Variants in DRC11 observed in about 807,000 individuals in gnomAD.
DRC11 encodes the protein dynein regulatory complex subunit 11.
At chr2:236,447,902 G>A in the DRC11 span, among the ~76,000 whole-genome samples, 3 of 152,082 alleles carry the variant, frequency 2.0e-5, no homozygotes, top group South Asian at 4.2e-4. The surrounding 1 kb of genome is among the most constrained non-coding windows in gnomAD (Gnocchi z 4.6). Context: ...GGGGGAGGGT[G>A]GATTCAGGAA....
the DRC11 span, among the ~76,000 whole-genome samples, chr2:236,389,800 G>A: frequency 6.6e-6 from 1 of 152,080 alleles, no homozygotes; most frequent in Non-Finnish European, 1.5e-5. Context: ...GAATTTTTCT[G>A]TATTCTTTTT....
chr2:236,436,456 T>A, the DRC11 span, among the ~76,000 whole-genome samples: 1 of 152,170 alleles, frequency 6.6e-6, no homozygotes, highest in Non-Finnish European at 1.5e-5. Flanking sequence ...CTTTAGTAAT[T>A]TGTGGTTTAA....
At chr2:236,315,656 TG>T in the DRC11 span, among the ~76,000 whole-genome samples, 1 of 152,134 alleles carries the variant, frequency 6.6e-6, no homozygotes, top group African/African-American at 2.4e-5. The surrounding 1 kb of genome is among the most constrained non-coding windows in gnomAD (Gnocchi z 5.1). Context: ...ATATGCACAA[TG>T]GAATACCATG....
chr2:236,357,821 TATAC>T, the DRC11 span, among the ~76,000 whole-genome samples: 6 of 123,622 alleles, frequency 4.9e-5, no homozygotes, highest in Non-Finnish European at 9.4e-5. Context: ...AATATATAAA[TATAC>T]ATATACTATA....
At chr2:236,468,762 T>C in the DRC11 span, among the ~76,000 whole-genome samples, 1 of 152,258 alleles carries the variant, frequency 6.6e-6, no homozygotes, top group Non-Finnish European at 1.5e-5. Context: ...GATGTTAAAA[T>C]GGATATCTGC....
At chr2:236,316,135 A>T in the DRC11 span, among the ~76,000 whole-genome samples, 46 of 139,388 alleles carry the variant, frequency 3.3e-4, no homozygotes, top group East Asian at 9.2e-3. This position sits in a 1 kb window ranked among gnomAD's most constrained non-coding sequence, Gnocchi z 6.8. Flanking sequence ...AACATTAAGA[A>T]CTTATTTTCT....
the DRC11 span, among the ~76,000 whole-genome samples, chr2:236,456,149 T>C: frequency 6.6e-6 from 1 of 152,218 alleles, no homozygotes; most frequent in Non-Finnish European, 1.5e-5. This position sits in a 1 kb window ranked among gnomAD's most constrained non-coding sequence, Gnocchi z 5.4. Context: ...GAGAATCTGA[T>C]GGACTTCCTA....
the DRC11 span, chr2:236,497,108 A>C: frequency 2.5e-5 from 33 of 1,325,324 alleles, no homozygotes; most frequent in African/African-American, 3.6e-4. The surrounding 1 kb of genome is among the most constrained non-coding windows in gnomAD (Gnocchi z 5.1). Flanking sequence ...TATCGGGTAC[A>C]TATCTTATTT....
At chr2:236,501,508 C>A in the DRC11 span, among the ~76,000 whole-genome samples, 1 of 152,128 alleles carries the variant, frequency 6.6e-6, no homozygotes, top group African/African-American at 2.4e-5. Flanking sequence ...TGTCCCACCT[C>A]AAATAGACAA....
chr2:236,317,646 T>C, the DRC11 span, among the ~76,000 whole-genome samples: 1 of 152,218 alleles, frequency 6.6e-6, no homozygotes, highest in African/African-American at 2.4e-5. This position sits in a 1 kb window ranked among gnomAD's most constrained non-coding sequence, Gnocchi z 5.4. Context: ...TTTTCTGTGC[T>C]TGTGTCATAA....
the DRC11 span, among the ~76,000 whole-genome samples, chr2:236,417,731 C>T: frequency 6.6e-6 from 1 of 151,876 alleles, no homozygotes; most frequent in African/African-American, 2.4e-5. Context: ...CTCCCCTTGC[C>T]CCCCATCCCC....
chr2:236,468,569 T>C, the DRC11 span, among the ~76,000 whole-genome samples: 1 of 152,226 alleles, frequency 6.6e-6, no homozygotes, highest in African/African-American at 2.4e-5. Context: ...CTTTATATTA[T>C]GTATTTTGTG....
chr2:236,321,901 C>T, the DRC11 span, among the ~76,000 whole-genome samples: 2 of 152,100 alleles, frequency 1.3e-5, no homozygotes, highest in Non-Finnish European at 1.5e-5. Flanking sequence ...TACAACGGGC[C>T]CCAGTAAAAC....
the DRC11 span, among the ~76,000 whole-genome samples, chr2:236,356,664 A>G: frequency 4.7e-3 from 693 of 148,650 alleles, 8 homozygotes; most frequent in African/African-American, 0.014. Context: ...AAAAGAGAAA[A>G]TATGTGTAAA....
the DRC11 span, among the ~76,000 whole-genome samples, chr2:236,410,370 C>T: frequency 6.6e-6 from 1 of 152,122 alleles, no homozygotes; most frequent in Non-Finnish European, 1.5e-5. Flanking sequence ...TTATCCATTT[C>T]AACCACTGCT....
chr2:236,360,537 A>G, the DRC11 span, among the ~76,000 whole-genome samples: 1 of 152,210 alleles, frequency 6.6e-6, no homozygotes, highest in South Asian at 2.1e-4. This position sits in a 1 kb window ranked among gnomAD's most constrained non-coding sequence, Gnocchi z 5.8. Flanking sequence ...GGAAGGGTTC[A>G]TTTTACCTTT....
the DRC11 span, among the ~76,000 whole-genome samples, chr2:236,337,303 G>A: frequency 1.3e-5 from 2 of 152,140 alleles, no homozygotes; most frequent in Admixed American, 6.5e-5. The surrounding 1 kb of genome is among the most constrained non-coding windows in gnomAD (Gnocchi z 4.9). Flanking sequence ...ATAGCAGAAC[G>A]GCCGCCAGCA....
At chr2:236,404,479 T>C in the DRC11 span, among the ~76,000 whole-genome samples, 1 of 152,280 alleles carries the variant, frequency 6.6e-6, no homozygotes, top group Non-Finnish European at 1.5e-5. Context: ...TCAAAAGAGA[T>C]TTCCAGATTA....
the DRC11 span, among the ~76,000 whole-genome samples, chr2:236,490,815 G>A: frequency 6.6e-6 from 1 of 150,738 alleles, no homozygotes; most frequent in Non-Finnish European, 1.5e-5. The surrounding 1 kb of genome is among the most constrained non-coding windows in gnomAD (Gnocchi z 5.5). Context: ...GCGTGTGTGT[G>A]TATATATATA....
Sources: gnomAD v4.1 joint callset for allele counts (sites outside exome capture counted in the v4.1 genomes callset) on GRCh38, gnomAD v4.1.1 for gene constraint, Gnocchi (gnomAD v3.1) non-coding constraint, MANE v1.5 for transcripts, NCBI Gene and HGNC (gene_info 2026-07-23, HGNC 2026-07-21) for gene names.